Variants in SLC25A30 observed in about 807,000 individuals in gnomAD.
SLC25A30 encodes solute carrier family 25 member 30, also known as kidney mitochondrial carrier protein 1.
SLC25A30 carries 29 observed loss-of-function variants against 42.7 expected under a neutral mutation model. The observed-to-expected ratio is 0.68, with a 90% CI of 0.51 to 0.93. SLC25A30 has a LOEUF of 0.93. SLC25A30 is among the 40% of genes least tolerant of loss of function. SLC25A30 has a pLI of 0.00. For missense variants in SLC25A30, 300 were observed against 359.7 expected (o/e 0.83, Z 1.34); for synonymous variants, 124 against 131.0 (o/e 0.95, Z 0.37).
intron 7 of SLC25A30, 21 bp downstream of exon 7, chr13:45,401,062 T>TA: frequency 5.8e-6 from 9 of 1,559,642 alleles, no homozygotes; most frequent in South Asian, 3.7e-5. Flanking sequence ...TATAATTTTT[T>TA]AAAAAAAGCC....
At chr13:45,406,856 C>T (rs1470717196) in intron 3 of SLC25A30, among the ~76,000 whole-genome samples, 1 of 152,212 alleles carries the variant, frequency 6.6e-6, no homozygotes, top group Non-Finnish European at 1.5e-5. Context: ...CTTTTCTCTA[C>T]AGCATCCTAC....
intron 8 of SLC25A30, chr13:45,398,485 TA>T (rs34462747): frequency 0.39 from 55,358 of 142,938 alleles, 10,898 homozygotes; most frequent in Non-Finnish European, 0.47. Flanking sequence ...AATATCACCT[TA>T]AAAAAAAAAA....
the SLC25A30 span, among the ~76,000 whole-genome samples, chr13:45,424,632 T>A: frequency 5.4e-3 from 204 of 38,124 alleles, 41 homozygotes; most frequent in Admixed American, 8.7e-3. Flanking sequence ...TATATAAATA[T>A]GTATATAAAC....
chr13:45,404,452 A>C (rs1280047817), intron 4 of SLC25A30, 40 bp from the exon 5 acceptor site: 2 of 1,447,444 alleles, frequency 1.4e-6, no homozygotes, highest in African/African-American at 1.4e-5. Context: ...ACATATTTAG[A>C]GTTCTTCCCG....
At position 45,404,306 on chromosome 13, in the gene SLC25A30, G is replaced by A. The variant is rs369168176; in HGVS notation, c.393+21C>T. 6 of 1,546,606 alleles carry A rather than the reference G, an allele frequency of 3.9e-6. No individual in the cohort carries two copies. In the African/African-American group the frequency reaches 8.2e-5, roughly 21 times the overall value. On this transcript the variant is annotated intron_variant, in intron 5 of 9. Coordinates refer to ENST00000519676, the MANE Select transcript of SLC25A30 (RefSeq NM_001010875.4). ...AAGAAAATGTGGAATGTGCCTATAA[G>A]ATATAGATAGCACAGCTTACTTTCA...
At position 45,394,185 on chromosome 13, in the gene SLC25A30, G is replaced by C. The variant is rs141078467; in HGVS notation, c.*1789C>G. On this transcript the variant is annotated 3_prime_UTR_variant, in exon 10 of 10. Coordinates refer to ENST00000519676, the MANE Select transcript of SLC25A30 (RefSeq NM_001010875.4). The stretch of plus-strand genomic sequence containing the variant: ...CTCTGCTGCCCTCTAGGGTTGCCCA[G>C]GGAGAGCTGGACTTTCATCTGAGTC... 1 of 985,204 alleles carries C rather than the reference G, an allele frequency of 1.0e-6. No individual in the cohort carries two copies. The highest frequency in any genetic ancestry group is 1.2e-6 in the Non-Finnish European group (1 of 829,940). The allele number at this position is 985,204 out of a possible 1,614,324, so 61.0% of individuals were successfully genotyped here.
At chr13:45,397,940 T>A (rs1330084705) in intron 8 of SLC25A30, 1 of 985,492 alleles carries the variant, frequency 1.0e-6, no homozygotes, top group African/African-American at 1.7e-5. Flanking sequence ...CCGTGCCATG[T>A]GGGCTCCTGA....
the SLC25A30 span, among the ~76,000 whole-genome samples, chr13:45,425,561 T>A: frequency 9.9e-6 from 1 of 100,506 alleles, no homozygotes; most frequent in East Asian, 2.3e-4. Flanking sequence ...AGTATATATA[T>A]AAATATATAT....
the SLC25A30 span, among the ~76,000 whole-genome samples, chr13:45,425,256 A>C: frequency 9.5e-6 from 1 of 105,518 alleles, no homozygotes; most frequent in South Asian, 2.6e-4. Context: ...AAATATATAT[A>C]CGTATATATA....
the SLC25A30 span, among the ~76,000 whole-genome samples, chr13:45,425,197 T>C: frequency 2.0e-5 from 2 of 101,652 alleles, no homozygotes; most frequent in African/African-American, 4.1e-5. Context: ...CATATATAAA[T>C]ATATGTAAGT....
intron 5 of SLC25A30, 38 bp downstream of exon 5, chr13:45,404,289 G>C (rs1882286853): frequency 7.3e-7 from 1 of 1,363,250 alleles, no homozygotes. Context: ...ATAAGAAAAT[G>C]TGGAATGTGC....
intron 1 of SLC25A30, among the ~76,000 whole-genome samples, chr13:45,416,661 C>G (rs1883563804): frequency 6.6e-6 from 1 of 152,092 alleles, no homozygotes. Flanking sequence ...GTCCCAGCTA[C>G]TCCGCAGGCT....
upstream of SLC25A30, among the ~76,000 whole-genome samples, chr13:45,422,926 C>T (rs565604520): frequency 6.6e-6 from 1 of 152,250 alleles, no homozygotes; most frequent in South Asian, 2.1e-4. Flanking sequence ...TCCAGGAAGT[C>T]TCTCCTAATC....
chr13:45,416,643 C>G (rs1437341882), intron 1 of SLC25A30, among the ~76,000 whole-genome samples: 1 of 151,914 alleles, frequency 6.6e-6, no homozygotes, highest in South Asian at 2.1e-4. Context: ...TGGTGGTACG[C>G]GACTCTAGTC....
At chr13:45,404,963 C>T (rs1882364597) in intron 4 of SLC25A30, among the ~76,000 whole-genome samples, 2 of 152,134 alleles carry the variant, frequency 1.3e-5, no homozygotes, top group Admixed American at 1.3e-4. Context: ...CACTCTGTTA[C>T]CTAGGCTGGA....
chr13:45,431,193 A>G, the SLC25A30 span, among the ~76,000 whole-genome samples: 2 of 151,130 alleles, frequency 1.3e-5, no homozygotes, highest in Non-Finnish European at 2.9e-5. Context: ...GATTACAAGC[A>G]TGTACCACCA....
At chr13:45,404,856 A>G (rs777544431) in intron 4 of SLC25A30, among the ~76,000 whole-genome samples, 1 of 152,214 alleles carries the variant, frequency 6.6e-6, no homozygotes, top group Non-Finnish European at 1.5e-5. Context: ...AAGTAATTTT[A>G]AAAGGATTAG....
intron 1 of SLC25A30, among the ~76,000 whole-genome samples, chr13:45,412,409 T>C (rs1883111993): frequency 6.6e-6 from 1 of 152,176 alleles, no homozygotes; most frequent in African/African-American, 2.4e-5. Flanking sequence ...AGGCTACTTG[T>C]AGTCTACATT....
At chr13:45,426,039 A>G in the SLC25A30 span, among the ~76,000 whole-genome samples, 1 of 147,032 alleles carries the variant, frequency 6.8e-6, no homozygotes. Flanking sequence ...TAAAGTATAT[A>G]TTTTTATATA....
Sources: gnomAD v4.1 joint callset for allele counts (sites outside exome capture counted in the v4.1 genomes callset) on GRCh38, gnomAD v4.1.1 for gene constraint, MANE v1.5 for transcripts, NCBI Gene and HGNC (gene_info 2026-07-23, HGNC 2026-07-21) for gene names.